Variants in CMSS1 observed in about 807,000 individuals in gnomAD.
CMSS1 encodes the protein cms1 ribosomal small subunit homolog, also known as protein CMSS1.
In CMSS1, 33 loss-of-function variants were observed where a neutral mutation model predicts 43.5. That is an observed-to-expected ratio of 0.76 (90% CI 0.57 to 1.01). The LOEUF is 1.01. Ranked by LOEUF, CMSS1 falls within the 50% of genes least tolerant of loss-of-function variation. The pLI, the probability that CMSS1 is intolerant of heterozygous loss-of-function variation, is 0.00. For synonymous variants in CMSS1, 115 were observed against 117.2 expected (o/e 0.98, Z 0.12); for missense variants, 313 against 326.4 (o/e 0.96, Z 0.32).
At chr3:99,948,112 A>G (rs562472343) in intron 1 of CMSS1, among the ~76,000 whole-genome samples, 1 of 152,346 alleles carries the variant, frequency 6.6e-6, no homozygotes, top group South Asian at 2.1e-4. Flanking sequence ...ATGCTGTCTT[A>G]TGTCCAAAAA....
chr3:99,973,060 A>G (rs537675475), intron 1 of CMSS1, among the ~76,000 whole-genome samples: 76 of 152,356 alleles, frequency 5.0e-4, no homozygotes, highest in African/African-American at 1.5e-3. Flanking sequence ...TAGGTGCAGA[A>G]CTATAGGAAC....
chr3:99,879,100 C>T (rs956601773), intron 1 of CMSS1, among the ~76,000 whole-genome samples: 1 of 152,152 alleles, frequency 6.6e-6, no homozygotes, highest in African/African-American at 2.4e-5. Context: ...AATAAGCATA[C>T]CTAGACACCA....
chr3:100,062,849 C>T (rs2065597868), intron 1 of CMSS1, among the ~76,000 whole-genome samples: 1 of 152,130 alleles, frequency 6.6e-6, no homozygotes, highest in South Asian at 2.1e-4. Context: ...ATGACTAGTC[C>T]CCCAACTCTC....
At chr3:99,932,656 G>T (rs1176156949) in intron 1 of CMSS1, among the ~76,000 whole-genome samples, 1 of 152,130 alleles carries the variant, frequency 6.6e-6, no homozygotes, top group East Asian at 1.9e-4. Context: ...TTGGGAGGCC[G>T]AGGCAGGCGG....
chr3:99,953,606 T>C (rs1443803520), intron 1 of CMSS1, among the ~76,000 whole-genome samples: 2 of 152,194 alleles, frequency 1.3e-5, no homozygotes, highest in African/African-American at 4.8e-5. Context: ...ACCAGTCTTT[T>C]CTAAGATGAC....
chr3:99,950,315 T>G (rs1289407666), intron 1 of CMSS1, among the ~76,000 whole-genome samples: 1 of 152,206 alleles, frequency 6.6e-6, no homozygotes, highest in Non-Finnish European at 1.5e-5. Context: ...GTTAGAAATT[T>G]TTACAGCATC....
chr3:100,032,637 G>A (rs752689527), intron 1 of CMSS1, among the ~76,000 whole-genome samples: 16 of 152,150 alleles, frequency 1.1e-4, no homozygotes, highest in African/African-American at 3.6e-4. Flanking sequence ...CTATATTGAC[G>A]AACTTTAAAA....
chr3:100,140,146 A>G (rs1412079739), intron 1 of CMSS1, among the ~76,000 whole-genome samples: 1 of 152,234 alleles, frequency 6.6e-6, no homozygotes, highest in East Asian at 1.9e-4. Context: ...TTAATTTGTA[A>G]CACTTGCCCA....
intron 1 of CMSS1, among the ~76,000 whole-genome samples, chr3:100,026,337 G>A (rs572043111): frequency 6.6e-6 from 1 of 152,206 alleles, no homozygotes; most frequent in Admixed American, 6.6e-5. Context: ...CTGTCTGCAG[G>A]AAACAGACAG....
intron 1 of CMSS1, among the ~76,000 whole-genome samples, chr3:99,916,439 C>T (rs1258442284): frequency 3.7e-5 from 1 of 27,124 alleles, no homozygotes; most frequent in East Asian, 5.8e-4. Flanking sequence ...ACGGTTTATA[C>T]ACACACACAC....
intron 1 of CMSS1, among the ~76,000 whole-genome samples, chr3:99,950,807 A>T (rs1213317205): frequency 6.6e-6 from 1 of 152,222 alleles, no homozygotes; most frequent in Non-Finnish European, 1.5e-5. Context: ...GTAAATATTC[A>T]AAACAGAGCT....
intron 1 of CMSS1, among the ~76,000 whole-genome samples, chr3:100,125,509 C>T (rs894800578): frequency 2.0e-5 from 3 of 152,290 alleles, no homozygotes; most frequent in African/African-American, 4.8e-5. Context: ...AATGTTGTAA[C>T]GGGTCAAGTA....
chr3:99,931,495 T>C (rs774440689), intron 1 of CMSS1, among the ~76,000 whole-genome samples: 11 of 152,248 alleles, frequency 7.2e-5, no homozygotes, highest in Non-Finnish European at 1.3e-4. Flanking sequence ...TTTTTTGTTT[T>C]GTTTTTAAAA....
At chr3:99,997,695 A>G (rs1559719404) in intron 1 of CMSS1, among the ~76,000 whole-genome samples, 1 of 152,232 alleles carries the variant, frequency 6.6e-6, no homozygotes, top group Non-Finnish European at 1.5e-5. Context: ...AGTGAATAAT[A>G]GAGCAGATTT....
chr3:99,821,374 C>T (rs1942435478), intron 1 of CMSS1, among the ~76,000 whole-genome samples: 1 of 152,184 alleles, frequency 6.6e-6, no homozygotes, highest in Admixed American at 6.5e-5. Flanking sequence ...CAGGGACTCT[C>T]CTGGTCCTTA....
intron 1 of CMSS1, among the ~76,000 whole-genome samples, chr3:99,901,416 A>G (rs1706431917): frequency 6.6e-6 from 1 of 152,206 alleles, no homozygotes; most frequent in South Asian, 2.1e-4. Context: ...GCTCATGTCA[A>G]AACAATGCAC....
chr3:100,096,789 A>G (rs918548713), intron 1 of CMSS1, among the ~76,000 whole-genome samples: 4 of 152,224 alleles, frequency 2.6e-5, no homozygotes, highest in African/African-American at 9.6e-5. Context: ...TGTAACACAA[A>G]GGATAAATGT....
chr3:99,996,850 G>T (rs1408401302), intron 1 of CMSS1, among the ~76,000 whole-genome samples: 1 of 151,622 alleles, frequency 6.6e-6, no homozygotes, highest in Non-Finnish European at 1.5e-5. Context: ...GGAATTATGG[G>T]AGTACAATTC....
At chr3:100,018,568 A>G (rs1253952129) in intron 1 of CMSS1, among the ~76,000 whole-genome samples, 1 of 152,200 alleles carries the variant, frequency 6.6e-6, no homozygotes, top group Non-Finnish European at 1.5e-5. Context: ...AATGAATTAA[A>G]GACTAAAACT....
Sources: gnomAD v4.1 joint callset for allele counts (sites outside exome capture counted in the v4.1 genomes callset) on GRCh38, gnomAD v4.1.1 for gene constraint, MANE v1.5 for transcripts, NCBI Gene and HGNC (gene_info 2026-07-23, HGNC 2026-07-21) for gene names.